Variants in RHCE observed in about 807,000 individuals in gnomAD.
RHCE encodes blood group Rh(CE) polypeptide.
In RHCE, 22 loss-of-function variants were observed where a neutral mutation model predicts 43.8. The ratio of observed to expected loss-of-function variants is 0.50; its 90% CI spans 0.36 to 0.72. The LOEUF (loss-of-function observed/expected upper bound fraction) is 0.72, where lower values mean the gene tolerates loss of function less well. RHCE is among the 30% of genes least tolerant of loss of function. The pLI is 0.00. For synonymous variants in RHCE, 156 were observed against 210.7 expected (o/e 0.74, Z 2.25); for missense variants, 385 against 525.4 (o/e 0.73, Z 2.61).
At chr1:25,395,715 T>A (rs602052) in intron 3 of RHCE, among the ~76,000 whole-genome samples, 1 of 151,800 alleles carries the variant, frequency 6.6e-6, no homozygotes, top group East Asian at 1.9e-4. Context: ...AATCCAGGAG[T>A]CCATGGTAAT....
chr1:25,401,359 A>C (rs914482485), intron 3 of RHCE, among the ~76,000 whole-genome samples: 4 of 151,980 alleles, frequency 2.6e-5, no homozygotes, highest in African/African-American at 9.7e-5. Context: ...CCAGCCTTTG[A>C]CTCCAAGTCC....
At position 25,414,703 on chromosome 1, in the gene RHCE, T is replaced by A. The variant is rs592013; in HGVS notation, c.149-5834A>T. ...GACCCAGGATAGTCTCCCAGTTTGG[T>A]AGCCTTAGGGAAGCTCTGCCTGGTA... On this transcript the variant is annotated intron_variant, in intron 1 of 9. Transcript: ENST00000294413. Among the ~76,000 whole-genome samples the A allele has an allele frequency of 5.6e-4, 85 of 152,234 alleles. No individual in the cohort carries two copies. In the South Asian group the frequency reaches 0.016, roughly 28 times the overall value.
At chr1:25,380,909 T>C (rs1404710965) in intron 7 of RHCE, among the ~76,000 whole-genome samples, 1 of 148,884 alleles carries the variant, frequency 6.7e-6, no homozygotes, top group Non-Finnish European at 1.5e-5. Flanking sequence ...CTTTTTTTTT[T>C]TTTTTTTTTT....
chr1:25,397,111 C>CAAAAAAAAAA (rs151106139), intron 3 of RHCE, among the ~76,000 whole-genome samples: 1 of 58,044 alleles, frequency 1.7e-5, no homozygotes. Flanking sequence ...GACTCTGTCT[C>CAAAAAAAAAA]AAAAAAAAAA....
At chr1:25,388,083 C>T (rs1213973574) in intron 6 of RHCE, among the ~76,000 whole-genome samples, 5 of 151,184 alleles carry the variant, frequency 3.3e-5, no homozygotes, top group Non-Finnish European at 5.9e-5. Flanking sequence ...CCTCCCAAAG[C>T]GCGTGAGCCA....
In RHCE at chr1:25,368,154, C is replaced by T. The variant is rs369825916; in HGVS notation, c.1227+2313G>A. Among the ~76,000 whole-genome samples, 93 of 146,760 alleles carry T rather than the reference C, an allele frequency of 6.3e-4. 2 individuals are homozygous for T. The East Asian group carries it at 0.016, about 26-fold the overall frequency. ...TGATGGTCTCTTCAGTGTATAAATACGTTAAAATGTATCAAATTATATACT... is the reference window on the plus strand; with the variant it reads ...TGATGGTCTCTTCAGTGTATAAATATGTTAAAATGTATCAAATTATATACT... On this transcript the variant is annotated intron_variant, in intron 9 of 9. Coordinates refer to ENST00000294413, the MANE Select transcript of RHCE (RefSeq NM_020485.8).
chr1:25,421,797 AAAG>A (rs567874808), upstream of RHCE, among the ~76,000 whole-genome samples: 233 of 152,330 alleles, frequency 1.5e-3, no homozygotes, highest in Non-Finnish European at 2.7e-3. Flanking sequence ...AAGAGGAAGA[AAAG>A]AAGGAAGGAA....
At chr1:25,369,578 C>T (rs1278148321) in intron 9 of RHCE, among the ~76,000 whole-genome samples, 2 of 151,376 alleles carry the variant, frequency 1.3e-5, no homozygotes, top group South Asian at 2.1e-4. Context: ...CAATGTAACA[C>T]GGGACCCTCA....
intron 3 of RHCE, among the ~76,000 whole-genome samples, chr1:25,401,868 T>A (rs1646754954): frequency 6.6e-6 from 1 of 152,128 alleles, no homozygotes; most frequent in African/African-American, 2.4e-5. Flanking sequence ...CAATCTTTTC[T>A]TTTCTTTTTT....
intron 5 of RHCE, among the ~76,000 whole-genome samples, chr1:25,389,384 C>T (rs186844189): frequency 7.0e-4 from 107 of 152,180 alleles, no homozygotes; most frequent in African/African-American, 2.5e-3. Flanking sequence ...TGCTCAGCAT[C>T]CTAGGCACCC....
chr1:25,401,518 C>G (rs1006887951), intron 3 of RHCE, among the ~76,000 whole-genome samples: 4 of 152,182 alleles, frequency 2.6e-5, no homozygotes, highest in Non-Finnish European at 5.9e-5. Context: ...TGTCCTCACT[C>G]AGGGTCAGGG....
intron 3 of RHCE, among the ~76,000 whole-genome samples, chr1:25,397,468 G>C (rs1355642849): frequency 6.6e-6 from 1 of 151,078 alleles, no homozygotes; most frequent in Admixed American, 6.6e-5. Context: ...TTGCCATCCA[G>C]CCTGGGTGAC....
chr1:25,414,734 T>C lies in RHCE; in HGVS notation c.149-5865A>G, dbSNP rs562920565. On this transcript the variant is annotated intron_variant, in intron 1 of 9. Coordinates refer to ENST00000294413, the MANE Select transcript of RHCE (RefSeq NM_020485.8). ...TAGGGAAGCTCTGCCTGGTAGGCGA[T>C]TGTTACAGTAATGGCCCCCAGTGAA... Among the ~76,000 whole-genome samples, 4 of 152,252 alleles carry C rather than the reference T, an allele frequency of 2.6e-5. No homozygotes were observed. The South Asian group carries it at 8.3e-4, about 32-fold the overall frequency.
chr1:25,402,455 G>C lies in RHCE; in HGVS notation c.486+141C>G. ...TGCCCAGGCGGGTCTCAAACTCCTG[G>C]CCTCAAGTGATCTTCCCTCCTCAAC... On this transcript the variant is annotated intron_variant, in intron 3 of 9. Transcript: ENST00000294413. The C allele has an allele frequency of 2.7e-6, 3 of 1,097,304 alleles. No individual in the cohort carries two copies. In the South Asian group the frequency reaches 3.8e-5, roughly 14 times the overall value. The allele number at this position is 1,097,304 out of a possible 1,614,324, so 68.0% of individuals were successfully genotyped here.
intron 7 of RHCE, among the ~76,000 whole-genome samples, chr1:25,379,460 T>C (rs1297295152): frequency 5.2e-5 from 1 of 19,238 alleles, no homozygotes; most frequent in Non-Finnish European, 9.9e-5. Flanking sequence ...AGTATATATA[T>C]ATATATATAT....
chr1:25,380,734 C>T (rs1645967461), intron 7 of RHCE, among the ~76,000 whole-genome samples: 1 of 152,008 alleles, frequency 6.6e-6, no homozygotes, highest in Admixed American at 6.6e-5. Flanking sequence ...CCAAGGCAGC[C>T]CTGGGCAGCA....
intron 2 of RHCE, among the ~76,000 whole-genome samples, 165 bp from the exon 3 acceptor site, chr1:25,402,911 G>T (rs1029371287): frequency 2.6e-5 from 4 of 152,004 alleles, no homozygotes; most frequent in African/African-American, 9.7e-5. Flanking sequence ...AGAGTGGAGT[G>T]ACCATCTCTT....
chr1:25,404,279 AAC>A (rs1425107266), intron 2 of RHCE, among the ~76,000 whole-genome samples: 2 of 150,284 alleles, frequency 1.3e-5, no homozygotes, highest in Non-Finnish European at 3.0e-5. Context: ...ACTTTTTGGA[AAC>A]AGTCATGCCA....
intron 7 of RHCE, among the ~76,000 whole-genome samples, chr1:25,382,415 C>T (rs373313502): frequency 1.4e-5 from 2 of 146,852 alleles, no homozygotes; most frequent in South Asian, 4.2e-4. Context: ...ATGATATTTG[C>T]ACTTTTCTGG....
Sources: gnomAD v4.1 joint callset for allele counts (sites outside exome capture counted in the v4.1 genomes callset) on GRCh38, gnomAD v4.1.1 for gene constraint, MANE v1.5 for transcripts, NCBI Gene and HGNC (gene_info 2026-07-23, HGNC 2026-07-21) for gene names.